Variants in COL11A1 observed in about 807,000 individuals in gnomAD.
COL11A1 encodes the protein collagen alpha-1(XI) chain.
Under a neutral mutation model 265.2 loss-of-function variants are expected in COL11A1, and 74 were observed. The ratio of observed to expected loss-of-function variants is 0.28; its 90% confidence interval spans 0.23 to 0.34. COL11A1 has a LOEUF of 0.34. Ranked by LOEUF, COL11A1 falls within the 10% of genes least tolerant of loss-of-function variation. The pLI is 1.00. For synonymous variants in COL11A1, 816 were observed against 727.6 expected, an observed-to-expected ratio of 1.12 and a Z score of -1.96; for missense variants, 2,165 against 2,263.6, an observed-to-expected ratio of 0.96 and a Z score of 0.88.
In COL11A1 at chr1:103,042,187, G is replaced by A. The variant is rs547941944; in HGVS notation, c.652-10943C>T. On this transcript the variant is annotated intron_variant, in intron 4 of 66. Transcript: ENST00000370096. ...ATTTATGGAGGCAAAGTATCATGCC[G>A]ACACTATGAATAGGAGGAAAATAAA... is the stretch of plus-strand genomic sequence containing the variant. Among the ~76,000 whole-genome samples the A allele has an allele frequency of 6.6e-5, 10 of 152,000 alleles. No homozygotes were observed. The East Asian group carries it at 7.7e-4, about 12-fold the overall frequency.
At chr1:103,006,033 C>T in intron 17 of COL11A1, 35 bp downstream of exon 17, 1 of 1,612,780 alleles carries the variant, frequency 6.2e-7, no homozygotes, top group Non-Finnish European at 8.5e-7. Flanking sequence ...TGAACTGACA[C>T]AGGATGTGAA....
Position 102,971,035 on chromosome 1 carries a change from AC to A in COL11A1, c.2809-764del, listed in dbSNP as rs1287511803. On this transcript the variant is annotated intron_variant, in intron 36 of 66. Transcript: ENST00000370096. ...AACAAAACAAAACAAACAAAAAAAA[AC>A]CAAGAATGCAAAATAAATACAAACT... Among the ~76,000 whole-genome samples the A allele has an allele frequency of 1.9e-3, 288 of 151,962 alleles. 1 individual carries two copies. Among genetic ancestry groups the A allele is most frequent in the African/African-American group, 5.8e-3 (240 of 41,484 alleles).
chr1:102,962,170 T>C lies in COL11A1; in HGVS notation c.3114+6A>G, dbSNP rs1437732295. 1 of 1,605,542 alleles carries C rather than the reference T, an allele frequency of 6.2e-7. No homozygotes were observed. Among genetic ancestry groups the C allele is most frequent in the African/African-American group, 1.3e-5 (1 of 74,832 alleles). On this transcript the variant is annotated splice_donor_region_variant and intron_variant, in intron 40 of 66. Transcript: ENST00000370096. Reference sequence around the variant, plus strand: ...CTTGCTTTATCTATATAGATATTGATTATACCTGAGCTCCAGGAAGACCTC... The same window carrying C: ...CTTGCTTTATCTATATAGATATTGACTATACCTGAGCTCCAGGAAGACCTC...
chr1:102,998,513 G>T, intron 24 of COL11A1, 150 bp from the exon 25 acceptor site: 1 of 496,516 alleles, frequency 2.0e-6, no homozygotes, highest in Non-Finnish European at 3.5e-6. Flanking sequence ...TATATTATTT[G>T]GAGGAAATGC....
In COL11A1 at chr1:102,944,126, T is replaced by A. The variant is rs183611240; in HGVS notation, c.3276+2723A>T. On this transcript the variant is annotated intron_variant, in intron 42 of 66. Coordinates refer to ENST00000370096, the MANE Select transcript of COL11A1 (RefSeq NM_001854.4). ...AAGGGCTTGTCTTCCACAGGTCACA[T>A]CTTGCCTTTCTTTTAATGCAAATGT... Among the ~76,000 whole-genome samples the A allele has an allele frequency of 2.0e-3, 302 of 152,302 alleles. 2 individuals carry two copies. The Middle Eastern group carries it at 0.037, about 19-fold the overall frequency.
intron 21 of COL11A1, 77 bp from the exon 22 acceptor site, chr1:103,002,868 TATC>T (rs1163914693): frequency 1.1e-5 from 15 of 1,308,866 alleles, no homozygotes; most frequent in Non-Finnish European, 1.7e-5. Context: ...ACTAATCTAA[TATC>T]ATGATATTCA....
chr1:103,027,407 ATATATATATATAT>A (rs989321661), intron 5 of COL11A1, among the ~76,000 whole-genome samples: 1 of 11,168 alleles, frequency 9.0e-5, no homozygotes, highest in African/African-American at 2.0e-4. Context: ...ATATATATAT[ATATATATATATAT>A]ATATATATAT....
At position 102,940,421 on chromosome 1, in the gene COL11A1, G is replaced by A. The variant is rs1658601281; in HGVS notation, c.3290C>T (p.Pro1097Leu). ...TCCATCTCTCCCTGCAGGCCCTTGGGGACCTTTTTCTCCCTGTATTGAATA... is the reference window on the plus strand; with the variant it reads ...TCCATCTCTCCCTGCAGGCCCTTGGAGACCTTTTTCTCCCTGTATTGAATA... Reference protein sequence around the residue: ...GEKGAPGEKGPQGPAGRDGVQ... With the variant: ...GEKGAPGEKGLQGPAGRDGVQ... The change falls in exon 43 of 67, where the codon CCC becomes CTC. Residue 1097 changes from proline (P) to leucine (L), a missense_variant. Physicochemically the swap from Pro to Leu is moderately conservative, Grantham distance 98. Transcript: ENST00000370096. 6.2e-7 allele frequency: 1 copy of A among 1,613,436 alleles called. No individual in the cohort carries two copies. The highest frequency in any genetic ancestry group is 8.5e-7 in the Non-Finnish European group (1 of 1,179,790).
intron 5 of COL11A1, among the ~76,000 whole-genome samples, chr1:103,027,392 C>T (rs534818302): frequency 1.5e-3 from 164 of 108,402 alleles, no homozygotes; most frequent in Middle Eastern, 6.9e-3. Flanking sequence ...CAAGTTAAAA[C>T]TCTAATATAT....
At chr1:103,103,790 C>T (rs1674482482) in intron 1 of COL11A1, among the ~76,000 whole-genome samples, 1 of 151,854 alleles carries the variant, frequency 6.6e-6, no homozygotes, top group African/African-American at 2.4e-5. Flanking sequence ...GTGAGTACTT[C>T]CCATAAATTA....
At chr1:102,946,158 G>A (rs1659242333) in intron 42 of COL11A1, among the ~76,000 whole-genome samples, 1 of 122,326 alleles carries the variant, frequency 8.2e-6, no homozygotes, top group Admixed American at 9.3e-5. Context: ...AGGAGAACAT[G>A]ACACTCTGGG....
Position 103,002,738 on chromosome 1 carries a change from G to T in COL11A1, c.2043+9C>A, listed in dbSNP as rs375495703. On this transcript the variant is annotated intron_variant, in intron 22 of 66. Transcript: ENST00000370096. ...AATATGAGTTATTTTATCACTATTT[G>T]CTACATACCATGTTCCCTTTTGGTC... is the stretch of plus-strand genomic sequence containing the variant. The T allele has an allele frequency of 2.3e-4, 377 of 1,609,202 alleles. 1 individual carries two copies. The highest frequency in any genetic ancestry group is 3.0e-4 in the Non-Finnish European group (347 of 1,175,804).
At chr1:103,082,771 A>T in intron 2 of COL11A1, 34 bp downstream of exon 2, 1 of 1,551,062 alleles carries the variant, frequency 6.4e-7, no homozygotes, top group Non-Finnish European at 8.8e-7. Context: ...AACTTTTAGT[A>T]ATAATAACAA....
chr1:103,044,609 A>C (rs1399945619), intron 4 of COL11A1, among the ~76,000 whole-genome samples: 2 of 152,124 alleles, frequency 1.3e-5, no homozygotes, highest in East Asian at 3.9e-4. Flanking sequence ...GCATCAAATA[A>C]ATTTAATTAA....
At chr1:102,910,381 ACT>A (rs995222937) in intron 54 of COL11A1, among the ~76,000 whole-genome samples, 4 of 152,064 alleles carry the variant, frequency 2.6e-5, no homozygotes, top group African/African-American at 9.6e-5. Flanking sequence ...ATAAATATGT[ACT>A]TTTTTGACAT....
intron 2 of COL11A1, among the ~76,000 whole-genome samples, chr1:103,080,431 G>A (rs930927997): frequency 6.6e-6 from 1 of 151,626 alleles, no homozygotes; most frequent in African/African-American, 2.4e-5. Flanking sequence ...ATCTGATAAG[G>A]GGTTAATATT....
At chr1:103,013,284 T>C (rs1666277795) in intron 13 of COL11A1, among the ~76,000 whole-genome samples, 1 of 152,000 alleles carries the variant, frequency 6.6e-6, no homozygotes, top group Non-Finnish European at 1.5e-5. Context: ...TGACTCACCA[T>C]GAGATTTTTG....
chr1:102,995,317 T>C (rs1664520191), intron 28 of COL11A1, among the ~76,000 whole-genome samples: 3 of 152,146 alleles, frequency 2.0e-5, no homozygotes, highest in Admixed American at 1.3e-4. Context: ...TTCATAGTTT[T>C]AGGTACATTT....
intron 4 of COL11A1, among the ~76,000 whole-genome samples, chr1:103,065,288 A>T (rs1671017328): frequency 6.6e-6 from 1 of 152,142 alleles, no homozygotes; most frequent in Non-Finnish European, 1.5e-5. Context: ...TGGGAGGCCG[A>T]GGCGGGAGGA....
Sources: gnomAD v4.1 joint callset for allele counts (sites outside exome capture counted in the v4.1 genomes callset) on GRCh38, gnomAD v4.1.1 for gene constraint, MANE v1.5 for transcripts, NCBI Gene and HGNC (gene_info 2026-07-23, HGNC 2026-07-21) for gene names.